TRIM67: variants seen among roughly 807,000 people sequenced by gnomAD.
TRIM67 encodes tripartite motif-containing protein 67.
Under a neutral mutation model 71.0 loss-of-function variants are expected in TRIM67, and 39 were observed. That is an observed-to-expected ratio of 0.55 (90% CI 0.43 to 0.72). The LOEUF is 0.72. Ranked by LOEUF, TRIM67 falls within the 30% of genes least tolerant of loss-of-function variation. TRIM67 has a pLI of 0.00. For missense variants in TRIM67, 973 were observed against 1,079.2 expected (o/e 0.90, Z 1.38); for synonymous variants, 481 against 473.9 (o/e 1.01, Z -0.19).
At chr1:231,182,798 C>G (rs186347276) in intron 1 of TRIM67, among the ~76,000 whole-genome samples, 93 of 152,324 alleles carry the variant, frequency 6.1e-4, no homozygotes, top group Non-Finnish European at 3.1e-4. Flanking sequence ...CACACGTGAG[C>G]TTTTGAAGGT....
In TRIM67 at chr1:231,201,299, CT is replaced by C. The variant is rs201484170; in HGVS notation, c.1375-58del. ...CAAAGTCCCTACCTCTTCCTCACCC[CT>C]GGCTGCACAATTTTTCCTTTGCAAA... On this transcript the variant is annotated intron_variant, in intron 4 of 9. Coordinates refer to ENST00000366653, the MANE Select transcript of TRIM67 (RefSeq NM_001004342.5). 1.5e-3 allele frequency: 2,337 copies of C among 1,547,498 alleles called. 37 individuals carry two copies. The African/African-American group carries it at 0.029, about 19-fold the overall frequency.
At chr1:231,186,169 T>C in intron 1 of TRIM67, 1 of 1,530,808 alleles carries the variant, frequency 6.5e-7, no homozygotes. Flanking sequence ...CGCTCCCTCT[T>C]TGTTCTGCAT....
In TRIM67 at chr1:231,162,657, C is replaced by T. The variant is rs997365221; in HGVS notation, c.-313C>T. The T allele has an allele frequency of 8.3e-6, 3 of 361,766 alleles. No homozygotes were observed. The highest frequency in any genetic ancestry group is 4.4e-5 in the African/African-American group (2 of 45,510). 22.4% of individuals were successfully genotyped at this position (361,766 alleles called of 1,614,324 possible). Reference sequence around the variant, plus strand: ...CGGCGGCGCTGGTGCTGATTCATCACCTAAAGCTCCTCGCAGGCCACCGCG... The same window carrying T: ...CGGCGGCGCTGGTGCTGATTCATCATCTAAAGCTCCTCGCAGGCCACCGCG... On this transcript the variant is annotated 5_prime_UTR_variant, in exon 1 of 10. Transcript: ENST00000366653.
chr1:231,214,572 C>G (rs1388548980), intron 9 of TRIM67, among the ~76,000 whole-genome samples: 1 of 151,028 alleles, frequency 6.6e-6, no homozygotes, highest in Non-Finnish European at 1.5e-5. Flanking sequence ...GTCAGGAGAT[C>G]GAGACCATCC....
intron 1 of TRIM67, among the ~76,000 whole-genome samples, chr1:231,177,712 C>A (rs1372056897): frequency 6.6e-6 from 1 of 152,200 alleles, no homozygotes; most frequent in Non-Finnish European, 1.5e-5. Context: ...ATGTGTCTTG[C>A]AGCTAACAGA....
In TRIM67 at chr1:231,216,602, C is replaced by G. The variant is rs981318571; in HGVS notation, c.*1162C>G. The G allele has an allele frequency of 1.0e-6, 1 of 985,430 alleles. No homozygotes were observed. The highest frequency in any genetic ancestry group is 4.7e-5 in the South Asian group (1 of 21,296). The allele number at this position is 985,430 out of a possible 1,614,324, so 61.0% of individuals were successfully genotyped here. A position where few individuals can be genotyped will look rare whatever the true frequency, so the allele number is the denominator to read the frequency against. ...AAGTGGCCCCTGTGGCAGGCCGGGA[C>G]GGCTCTGCCCTGATGCAGTGGGCGG... On this transcript the variant is annotated 3_prime_UTR_variant, in exon 10 of 10. Coordinates refer to ENST00000366653, the MANE Select transcript of TRIM67 (RefSeq NM_001004342.5).
At position 231,204,009 on chromosome 1, in the gene TRIM67, C is replaced by A; in HGVS notation, c.1677C>A (p.Phe559Leu). 6.2e-7 allele frequency: 1 copy of A among 1,613,902 alleles called. No homozygotes were observed. Among genetic ancestry groups the A allele is most frequent in the African/African-American group, 1.3e-5 (1 of 75,070 alleles). ...LELDDGAGGQ[F>L]REVYVGKETL... ...TGGACGACGGTGCCGGGGGACAGTT[C>A]CGGGTGAGGCCTTGCTGCTTATTTG... Residue 559 changes from phenylalanine to leucine, a missense_variant, in exon 6 of 10, where the codon TTC becomes TTA. Phe to Leu is a conservative substitution (Grantham distance 22). This residue lies in a region of TRIM67 where 795 missense variants were observed against 831.3 expected (regional missense o/e 0.96). Transcript: ENST00000366653.
In TRIM67 at chr1:231,218,965, A is replaced by T. The variant is rs963017073; in HGVS notation, c.*3525A>T. The T allele has an allele frequency of 2.7e-5, 27 of 985,326 alleles. No individual in the cohort carries two copies. The highest frequency in any genetic ancestry group is 3.3e-5 in the Non-Finnish European group (27 of 829,942). The allele number at this position is 985,326 out of a possible 1,614,324, so 61.0% of individuals were successfully genotyped here. On this transcript the variant is annotated 3_prime_UTR_variant, in exon 10 of 10. Transcript: ENST00000366653. ...GTGTATTTCTTCCAGGGATATTTGC[A>T]TTTAAGCCTTAATTCTCATTGCAAG...
chr1:231,217,774 C>A lies in TRIM67; in HGVS notation c.*2334C>A. The A allele has an allele frequency of 7.8e-7, 1 of 1,282,874 alleles. No homozygotes were observed. The highest frequency in any genetic ancestry group is 1.2e-5 in the South Asian group (1 of 80,264). 79.5% of individuals were successfully genotyped at this position (1,282,874 alleles called of 1,614,324 possible). A position where few individuals can be genotyped will look rare whatever the true frequency, so the allele number is the denominator to read the frequency against. Reference sequence around the variant, plus strand: ...TCGCCCATCATTGGAGCACAAGTTGCCTGGGGCTACCCTGAACCTAACCCC... The same window carrying A: ...TCGCCCATCATTGGAGCACAAGTTGACTGGGGCTACCCTGAACCTAACCCC... On this transcript the variant is annotated 3_prime_UTR_variant, in exon 10 of 10. Transcript: ENST00000366653.
At chr1:231,203,561 G>T (rs1443612709) in intron 5 of TRIM67, among the ~76,000 whole-genome samples, 1 of 152,218 alleles carries the variant, frequency 6.6e-6, no homozygotes, top group Non-Finnish European at 1.5e-5. Flanking sequence ...GGGCAGATGG[G>T]AAAGAGGACA....
intron 6 of TRIM67, among the ~76,000 whole-genome samples, chr1:231,206,182 C>T (rs1487965477): frequency 6.6e-6 from 1 of 151,830 alleles, no homozygotes; most frequent in Non-Finnish European, 1.5e-5. Flanking sequence ...AATCCCAGCA[C>T]TTTGGGAGGC....
chr1:231,181,723 G>A (rs935434669), intron 1 of TRIM67, among the ~76,000 whole-genome samples: 1 of 151,898 alleles, frequency 6.6e-6, no homozygotes, highest in African/African-American at 2.4e-5. Flanking sequence ...TTGACTCCCT[G>A]AGCTGTAGAG....
chr1:231,163,296 C>G lies in TRIM67; in HGVS notation c.327C>G (p.Asp109Glu). The G allele has an allele frequency of 1.3e-6, 2 of 1,518,646 alleles. No individual in the cohort carries two copies. Among genetic ancestry groups the G allele is most frequent in the Non-Finnish European group, 1.8e-6 (2 of 1,132,528 alleles). The allele number at this position is 1,518,646 out of a possible 1,614,324, so 94.1% of individuals were successfully genotyped here. A position where few individuals can be genotyped will look rare whatever the true frequency, so the allele number is the denominator to read the frequency against. ...ADKLSLYSET[D>E]SGYGSYTPSL... ...AGCTCAGCTTGTACAGCGAGACAGA[C>G]AGCGGCTACGGGTCCTACACCCCGA... is the stretch of plus-strand genomic sequence containing the variant. The change falls in exon 1 of 10, where the codon GAC becomes GAG. Residue 109 changes from aspartate (D) to glutamate (E), a missense_variant. This residue lies in a region of TRIM67 where 795 missense variants were observed against 831.3 expected (regional missense o/e 0.96). Coordinates refer to ENST00000366653, the MANE Select transcript of TRIM67 (RefSeq NM_001004342.5).
chr1:231,197,284 T>A, intron 1 of TRIM67, 87 bp from the exon 2 acceptor site: 3 of 1,134,758 alleles, frequency 2.6e-6, no homozygotes, highest in Non-Finnish European at 4.0e-6. Context: ...TATCCCCTCT[T>A]ATAAACATAA....
intron 1 of TRIM67, chr1:231,185,276 T>C (rs1683037659): frequency 1.4e-6 from 2 of 1,466,456 alleles, no homozygotes; most frequent in Non-Finnish European, 1.8e-6. Context: ...GGACCAGCTC[T>C]CCCTCCCACC....
chr1:231,211,922 A>T (rs1683883429), intron 8 of TRIM67, among the ~76,000 whole-genome samples: 1 of 152,168 alleles, frequency 6.6e-6, no homozygotes, highest in African/African-American at 2.4e-5. Context: ...AAAATAATTT[A>T]AAAATTAGCC....
In TRIM67 at chr1:231,220,468, C is replaced by G. The variant is rs1684115182; in HGVS notation, c.*5028C>G. The G allele has an allele frequency of 6.5e-6, 1 of 153,780 alleles. No homozygotes were observed. Among genetic ancestry groups the G allele is most frequent in the African/African-American group, 2.4e-5 (1 of 41,452 alleles). The allele number at this position is 153,780 out of a possible 1,614,324, so 9.5% of individuals were successfully genotyped here. A position where few individuals can be genotyped will look rare whatever the true frequency, so the allele number is the denominator to read the frequency against. On this transcript the variant is annotated 3_prime_UTR_variant, in exon 10 of 10. Coordinates refer to ENST00000366653, the MANE Select transcript of TRIM67 (RefSeq NM_001004342.5). The stretch of plus-strand genomic sequence containing the variant: ...CCCAGGCCTCTGCCTTCTTTGTTAC[C>G]TAAGTTCTGGTATCTAAGGGGTCTC...
intron 1 of TRIM67, among the ~76,000 whole-genome samples, chr1:231,190,061 C>T (rs139691984): frequency 1.6e-4 from 24 of 151,916 alleles, no homozygotes; most frequent in African/African-American, 4.8e-4. Context: ...ATCTAGGCTA[C>T]GAGGCTTATG....
Position 231,219,471 on chromosome 1 carries a change from TAC to T in TRIM67, c.*4032_*4033del. 9.5e-7 allele frequency: 1 copy of T among 1,053,512 alleles called. No homozygotes were observed. The highest frequency in any genetic ancestry group is 1.1e-6 in the Non-Finnish European group (1 of 871,988). The allele number at this position is 1,053,512 out of a possible 1,614,324, so 65.3% of individuals were successfully genotyped here. On this transcript the variant is annotated 3_prime_UTR_variant, in exon 10 of 10. Coordinates refer to ENST00000366653, the MANE Select transcript of TRIM67 (RefSeq NM_001004342.5). ...ACAAAGCTGCCAGCCTTTATCTTGA[TAC>T]CCAAGCCCAGGATTTTCCATGTGTC...
Sources: allele counts gnomAD v4.1 joint callset (sites outside exome capture counted in the v4.1 genomes callset), GRCh38; gene constraint gnomAD v4.1.1; regional missense constraint gnomAD v4.1.1; transcripts MANE v1.5; gene names NCBI Gene and HGNC (gene_info 2026-07-23, HGNC 2026-07-21).